Variants in ANKRD65 observed in about 807,000 individuals in gnomAD.
The protein encoded by ANKRD65 is ankyrin repeat domain 65.
Under a neutral mutation model 17.2 loss-of-function variants are expected in ANKRD65, and 26 were observed. The observed-to-expected ratio is 1.51, with a 90% confidence interval of 1.11 to 2.09. The LOEUF (loss-of-function observed/expected upper bound fraction) is 2.09. Ranked by LOEUF, ANKRD65 falls within the 30% of genes most tolerant of loss-of-function variation. The probability of loss-of-function intolerance (pLI) is 0.00; values close to 1 mark genes in which losing one functional copy is unlikely to be tolerated. For synonymous variants in ANKRD65, 311 were observed against 272.2 expected, an observed-to-expected ratio of 1.14 and a Z score of -1.40; for missense variants, 621 against 542.2, an observed-to-expected ratio of 1.15 and a Z score of -1.44.
chr1:1,419,075 T>G lies in ANKRD65; in HGVS notation c.*25A>C. On this transcript the variant is annotated 3_prime_UTR_variant, in exon 4 of 4. Transcript: ENST00000537107. ...GAGAGCCTGGAAATCACTGGGGCGGTGGAGCCTGGAGCCTGCTGTCTGGCT... is the reference window on the plus strand; with the variant it reads ...GAGAGCCTGGAAATCACTGGGGCGGGGGAGCCTGGAGCCTGCTGTCTGGCT... 2.1e-6 allele frequency: 3 copies of G among 1,461,674 alleles called. No individual in the cohort carries two copies. Among genetic ancestry groups the G allele is most frequent in the South Asian group, 1.4e-5 (1 of 70,406 alleles). 90.5% of individuals were successfully genotyped at this position (1,461,674 alleles called of 1,614,324 possible). A position where few individuals can be genotyped will look rare whatever the true frequency, so the allele number is the denominator to read the frequency against.
intron 3 of ANKRD65, 56 bp from the exon 4 acceptor site, chr1:1,419,605 G>T: frequency 6.9e-7 from 1 of 1,438,972 alleles, no homozygotes; most frequent in Non-Finnish European, 9.2e-7. Flanking sequence ...GAGGGGCAGA[G>T]CCACCAGGCG....
intron 3 of ANKRD65, 44 bp from the exon 4 acceptor site, chr1:1,419,593 G>A (rs1392386865): frequency 4.1e-6 from 6 of 1,470,000 alleles, no homozygotes; most frequent in African/African-American, 2.8e-5. Flanking sequence ...AGCCCGGTAG[G>A]CGAGGGGCAG....
chr1:1,421,111 C>T, intron 1 of ANKRD65, 22 bp downstream of exon 1: 2 of 1,187,108 alleles, frequency 1.7e-6, no homozygotes, highest in South Asian at 2.9e-5. Context: ...ACTTAGCCTT[C>T]AGAGGGGCTT....
At chr1:1,419,961 C>A in intron 3 of ANKRD65, 91 bp downstream of exon 3, 1 of 1,177,112 alleles carries the variant, frequency 8.5e-7, no homozygotes, top group Non-Finnish European at 1.1e-6. Context: ...CACCGTCCCC[C>A]AGCCTGGCTC....
Position 1,420,150 on chromosome 1 carries a change from C to CCGCCCCG in ANKRD65, c.645_651dup (p.Ala218ArgfsTer38), listed in dbSNP as rs1297805170. Reference sequence around the variant, plus strand: ...CCGCGCGCCAGGAGGAAGCGCAGCGCCGCCCCGCGCCCCGCAGCGGCAGCC... The same window carrying CCGCCCCG: ...CCGCGCGCCAGGAGGAAGCGCAGCGCCGCCCCGCGCCCCGCGCCCCGCAGCGGCAGCC... On this transcript the variant is annotated frameshift_variant, in exon 3 of 4. Transcript: ENST00000537107. LOFTEE classifies it high-confidence loss of function. 10 of 1,184,340 alleles carry CCGCCCCG rather than the reference C, an allele frequency of 8.4e-6. No individual in the cohort carries two copies. Among genetic ancestry groups the CCGCCCCG allele is most frequent in the Admixed American group, 4.5e-5 (1 of 22,410 alleles). The allele number at this position is 1,184,340 out of a possible 1,614,324, so 73.4% of individuals were successfully genotyped here.
chr1:1,419,491 C>A lies in ANKRD65; in HGVS notation c.809G>T (p.Arg270Leu), dbSNP rs767193977. 5.8e-6 allele frequency: 9 copies of A among 1,545,538 alleles called. No individual in the cohort carries two copies. The highest frequency in any genetic ancestry group is 7.8e-6 in the Non-Finnish European group (9 of 1,146,506). ...GGCGGCAGCCCTGTGCAGCGCAGAG[C>A]GGCCATGCCTGTCCCTGATGCCTGG... ...ADPGIRDRHG[R>L]SALHRAAARG... The change falls in exon 4 of 4, where the codon CGC (arginine) becomes CTC (leucine). Residue 270 changes from arginine (R) to leucine (L), a missense_variant. Arg to Leu is a moderately radical substitution (Grantham distance 102, BLOSUM62 -2). Coordinates refer to ENST00000537107, the MANE Select transcript of ANKRD65 (RefSeq NM_001145210.3).
Position 1,421,232 on chromosome 1 carries a change from T to C in ANKRD65, c.-100A>G. ...CTGGTGACCCTCTTCACAAAATCCC[T>C]TCTGCAGGCTTTGGGGTGGAGTGTC... On this transcript the variant is annotated 5_prime_UTR_variant, in exon 1 of 4. Transcript: ENST00000537107. The C allele has an allele frequency of 1.8e-6, 1 of 565,638 alleles. No homozygotes were observed. The highest frequency in any genetic ancestry group is 3.2e-6 in the Non-Finnish European group (1 of 317,154). 35.0% of individuals were successfully genotyped at this position (565,638 alleles called of 1,614,324 possible).
chr1:1,419,115 T>A lies in ANKRD65; in HGVS notation c.1185A>T (p.Ile395=), dbSNP rs141533546. The change falls in exon 4 of 4, where the codon ATA becomes ATT. Residue 395 remains isoleucine (I), a synonymous_variant. Transcript: ENST00000537107. ...GCTGTCTGGCTCAGCCCGTGGACTC[T>A]ATGCCCTCACACTCCTTCTCCCCCC... ...LGGGEKECEG[I]ESTG 6.6e-7 allele frequency: 1 copy of A among 1,514,824 alleles called. No homozygotes were observed. The highest frequency in any genetic ancestry group is 8.9e-7 in the Non-Finnish European group (1 of 1,125,038). 93.8% of individuals were successfully genotyped at this position (1,514,824 alleles called of 1,614,324 possible).
chr1:1,420,811 G>A lies in ANKRD65; in HGVS notation c.195C>T (p.Ala65=). Residue 65 remains alanine (A), a synonymous_variant, in exon 2 of 4, where the codon GCC becomes GCT. Transcript: ENST00000537107. ...CGCAGGTGCACCTCTCCTCCACGCT[G>A]GCACCTTGCCGCAGCAGCTGCGTCA... The part of the protein sequence containing the change: ...GLVTQLLRQG[A]SVEERDHAGR... The A allele has an allele frequency of 6.5e-7, 1 of 1,548,140 alleles. No individual in the cohort carries two copies. Among genetic ancestry groups the A allele is most frequent in the South Asian group, 1.2e-5 (1 of 83,940 alleles).
At position 1,420,763 on chromosome 1, in the gene ANKRD65, G is replaced by A. The variant is rs1338201125; in HGVS notation, c.209+34C>T. The stretch of plus-strand genomic sequence containing the variant: ...GGACCCCCATCCTGCCCCACCCAGA[G>A]AAGGGACCCCTTCACCCCCCAGCGC... On this transcript the variant is annotated intron_variant, in intron 2 of 3. Transcript: ENST00000537107. 2.0e-6 allele frequency: 3 copies of A among 1,520,576 alleles called. No individual in the cohort carries two copies. The East Asian group carries it at 7.4e-5, about 38-fold the overall frequency. The allele number at this position is 1,520,576 out of a possible 1,614,324, so 94.2% of individuals were successfully genotyped here.
chr1:1,420,735 C>T, intron 2 of ANKRD65, 62 bp downstream of exon 2: 1 of 1,432,180 alleles, frequency 7.0e-7, no homozygotes, highest in Non-Finnish European at 9.3e-7. Flanking sequence ...CCACCCAGTG[C>T]TGGGACCCCC....
chr1:1,420,422 A>G lies in ANKRD65; in HGVS notation c.380T>C (p.Leu127Pro). 1 of 1,329,796 alleles carries G rather than the reference A, an allele frequency of 7.5e-7. No individual in the cohort carries two copies. The highest frequency in any genetic ancestry group is 9.6e-7 in the Non-Finnish European group (1 of 1,038,430). 82.4% of individuals were successfully genotyped at this position (1,329,796 alleles called of 1,614,324 possible). The change falls in exon 3 of 4, where the codon CTG becomes CCG. Residue 127 changes from leucine (L) to proline (P), a missense_variant. By Grantham distance (98) the Leu-to-Pro change is moderately conservative (BLOSUM62 -3). Coordinates refer to ENST00000537107, the MANE Select transcript of ANKRD65 (RefSeq NM_001145210.3). The stretch of plus-strand genomic sequence containing the variant: ...AGCCGCCGCCGAGGCCCCGCGCTGC[A>G]GCAGCAGCTCGGCCACCCGCGAGTG... ...HGHSRVAELL[L>P]QRGASAAARS...
chr1:1,419,367 C>T lies in ANKRD65; in HGVS notation c.933G>A (p.Arg311=). The change falls in exon 4 of 4, where the codon CGG becomes CGA. Residue 311 remains arginine (R), a synonymous_variant. Coordinates refer to ENST00000537107, the MANE Select transcript of ANKRD65 (RefSeq NM_001145210.3). ...LGLTPLHHAS[R]EGHVEVAGCL... ...AGCCGGCAACCTCCACGTGGCCTTC[C>T]CGAGAGGCGTGATGCAGGGGTGTGA... 2 of 1,550,230 alleles carry T rather than the reference C, an allele frequency of 1.3e-6. No homozygotes were observed. The highest frequency in any genetic ancestry group is 2.4e-5 in the East Asian group (1 of 40,910).
chr1:1,419,356 A>G lies in ANKRD65; in HGVS notation c.944T>C (p.Val315Ala). Residue 315 changes from valine (V) to alanine (A), a missense_variant, in exon 4 of 4, where the codon GTG becomes GCG. Val to Ala is a moderately conservative substitution (Grantham distance 64). Transcript: ENST00000537107. ...PLHHASREGHVEVAGCLLDRG... is the reference protein window; with the variant it reads ...PLHHASREGHAEVAGCLLDRG... ...GTCCAGCAGGCAGCCGGCAACCTCC[A>G]CGTGGCCTTCCCGAGAGGCGTGATG... 1 of 1,550,282 alleles carries G rather than the reference A, an allele frequency of 6.5e-7. No homozygotes were observed. The highest frequency in any genetic ancestry group is 8.7e-7 in the Non-Finnish European group (1 of 1,146,842).
Position 1,420,267 on chromosome 1 carries a change from T to C in ANKRD65, c.535A>G (p.Thr179Ala). The change falls in exon 3 of 4, where the codon ACG becomes GCG. Residue 179 changes from threonine to alanine, a missense_variant. By Grantham distance (58) the Thr-to-Ala change is moderately conservative. Coordinates refer to ENST00000537107, the MANE Select transcript of ANKRD65 (RefSeq NM_001145210.3). ...AAEAEDARGW[T>A]AAHWAAAGGR... Reference sequence around the variant, plus strand: ...CCCGCGGCCGCCCAGTGCGCCGCCGTCCAGCCGCGCGCGTCCTCCGCCTCC... The same window carrying C: ...CCCGCGGCCGCCCAGTGCGCCGCCGCCCAGCCGCGCGCGTCCTCCGCCTCC... 1 of 1,007,322 alleles carries C rather than the reference T, an allele frequency of 9.9e-7. No homozygotes were observed. The highest frequency in any genetic ancestry group is 4.4e-5 in the South Asian group (1 of 22,742). The allele number at this position is 1,007,322 out of a possible 1,614,324, so 62.4% of individuals were successfully genotyped here.
Position 1,419,129 on chromosome 1 carries a change from C to A in ANKRD65, c.1171G>T (p.Glu391Ter). ...CCCGTGGACTCTATGCCCTCACACT[C>A]CTTCTCCCCCCCTCCAAGTTCAGGC... The part of the protein sequence containing the change: ...ALPELGGGEK[E>*]CEGIESTG The change falls in exon 4 of 4, where the codon GAG (glutamate) becomes TAG (stop). Residue 391 changes from glutamate (E) to a stop codon, truncating the protein, a stop_gained. Coordinates refer to ENST00000537107, the MANE Select transcript of ANKRD65 (RefSeq NM_001145210.3). LOFTEE classifies it low-confidence loss of function (END_TRUNC). 1.3e-6 allele frequency: 2 copies of A among 1,527,702 alleles called. No individual in the cohort carries two copies. Among genetic ancestry groups the A allele is most frequent in the Non-Finnish European group, 1.8e-6 (2 of 1,132,182 alleles). 94.6% of individuals were successfully genotyped at this position (1,527,702 alleles called of 1,614,324 possible). A position where few individuals can be genotyped will look rare whatever the true frequency, so the allele number is the denominator to read the frequency against.
Position 1,419,010 on chromosome 1 carries a change from C to G in ANKRD65, c.*90G>C. On this transcript the variant is annotated 3_prime_UTR_variant, in exon 4 of 4. Transcript: ENST00000537107. The stretch of plus-strand genomic sequence containing the variant: ...TTCTCCCATCCCCTCCTCCGGAAGC[C>G]TCTTCCCTGATGTCCCCTCCAGGCA... 1 of 1,365,704 alleles carries G rather than the reference C, an allele frequency of 7.3e-7. No individual in the cohort carries two copies. The highest frequency in any genetic ancestry group is 1.9e-4 in the Middle Eastern group (1 of 5,328). The allele number at this position is 1,365,704 out of a possible 1,614,324, so 84.6% of individuals were successfully genotyped here.
Position 1,421,014 on chromosome 1 carries a change from G to C in ANKRD65, c.1-9C>G, listed in dbSNP as rs1447461482. On this transcript the variant is annotated splice_polypyrimidine_tract_variant and intron_variant, in intron 1 of 3. Coordinates refer to ENST00000537107, the MANE Select transcript of ANKRD65 (RefSeq NM_001145210.3). ...GGCCTCTGGGAGTCCATCTGGGGGGGAGCAGGGATCCTACATCCACTGTGG... is the reference window on the plus strand; with the variant it reads ...GGCCTCTGGGAGTCCATCTGGGGGGCAGCAGGGATCCTACATCCACTGTGG... 1.9e-6 allele frequency: 3 copies of C among 1,550,138 alleles called. No homozygotes were observed. The South Asian group carries it at 3.6e-5, about 18-fold the overall frequency.
chr1:1,419,186 G>A lies in ANKRD65; in HGVS notation c.1114C>T (p.Gln372Ter). The A allele has an allele frequency of 6.5e-7, 1 of 1,547,332 alleles. No individual in the cohort carries two copies. Among genetic ancestry groups the A allele is most frequent in the Non-Finnish European group, 8.7e-7 (1 of 1,144,460 alleles). The change falls in exon 4 of 4, where the codon CAG (glutamine) becomes TAG (stop). Residue 372 changes from glutamine to a stop codon, truncating the protein, a stop_gained. Transcript: ENST00000537107. LOFTEE classifies it low-confidence loss of function (END_TRUNC). ...TLRTQWAEVA[Q>*]MPEGDLPQAL... The stretch of plus-strand genomic sequence containing the variant: ...TGGGGCAGGTCCCCCTCAGGCATCT[G>A]GGCCACCTCGGCCCACTGCGTCCGC...
Sources: allele counts gnomAD v4.1 joint callset, GRCh38; gene constraint gnomAD v4.1.1; transcripts MANE v1.5; gene names NCBI Gene and HGNC (gene_info 2026-07-23, HGNC 2026-07-21).